Variants in GRB2 observed in about 807,000 individuals in gnomAD.
The protein encoded by GRB2 is growth factor receptor bound protein 2.
GRB2 carries 2 observed loss-of-function variants against 27.4 expected under a neutral mutation model. The ratio of observed to expected loss-of-function variants is 0.07; its 90% CI spans 0.03 to 0.23. The LOEUF is 0.23. Ranked by LOEUF, GRB2 falls within the 10% of genes least tolerant of loss-of-function variation. GRB2 has a pLI of 1.00. For missense variants in GRB2, 102 were observed against 282.4 expected, an observed-to-expected ratio of 0.36 and a Z score of 4.58; for synonymous variants, 94 against 99.6, an observed-to-expected ratio of 0.94 and a Z score of 0.33.
chr17:75,363,778 T>C (rs1364957662), intron 2 of GRB2, among the ~76,000 whole-genome samples: 4 of 141,434 alleles, frequency 2.8e-5, no homozygotes, highest in African/African-American at 1.1e-4. Context: ...GAGAATGGCG[T>C]GAACCCGGGA....
chr17:75,356,885 T>C (rs1443776664), intron 2 of GRB2, among the ~76,000 whole-genome samples: 1 of 152,230 alleles, frequency 6.6e-6, no homozygotes, highest in African/African-American at 2.4e-5. Context: ...GCTAGTTTCT[T>C]ATCTCACTAA....
chr17:75,323,950 C>T (rs1412649399), intron 4 of GRB2, among the ~76,000 whole-genome samples: 3 of 151,972 alleles, frequency 2.0e-5, no homozygotes, highest in Non-Finnish European at 4.4e-5. Flanking sequence ...GCTGGGAATA[C>T]AGGCATGTGC....
chr17:75,338,078 C>T (rs1393683718), intron 2 of GRB2, among the ~76,000 whole-genome samples: 7 of 151,598 alleles, frequency 4.6e-5, no homozygotes, highest in African/African-American at 7.3e-5. Context: ...TACAGGCACC[C>T]GCCACCACGC....
chr17:75,321,215 C>T (rs1285932497), intron 5 of GRB2, among the ~76,000 whole-genome samples: 2 of 133,042 alleles, frequency 1.5e-5, no homozygotes, highest in East Asian at 2.1e-4. Context: ...CTCCCTCTGT[C>T]GCCCAGGTTG....
At chr17:75,384,514 CA>C (rs779303329) in intron 2 of GRB2, among the ~76,000 whole-genome samples, 7 of 151,840 alleles carry the variant, frequency 4.6e-5, no homozygotes, top group Non-Finnish European at 8.8e-5. Flanking sequence ...ACTAAAAATA[CA>C]AAAAATAAGC....
intron 2 of GRB2, among the ~76,000 whole-genome samples, chr17:75,343,726 T>A (rs2078637106): frequency 6.6e-6 from 1 of 152,192 alleles, no homozygotes; most frequent in South Asian, 2.1e-4. Context: ...ACAAAAAGTT[T>A]CCATTCAAAA....
At chr17:75,395,125 T>C (rs1399421822) in intron 1 of GRB2, among the ~76,000 whole-genome samples, 1 of 152,124 alleles carries the variant, frequency 6.6e-6, no homozygotes, top group East Asian at 1.9e-4. Flanking sequence ...AAGTTGACAA[T>C]TGGGGCACTA....
rs1206113042 is a variant in GRB2, at chr17:75,393,830, C to T, written c.-137-65G>A. On this transcript the variant is annotated intron_variant, in intron 1 of 5. Transcript: ENST00000316804. ...TTGAAGGCAACCCCGCCCTGCCAATCGGCCTGCTGTCCCAGCCCCCACGCC... is the reference window on the plus strand; with the variant it reads ...TTGAAGGCAACCCCGCCCTGCCAATTGGCCTGCTGTCCCAGCCCCCACGCC... 13 of 552,024 alleles carry T rather than the reference C, an allele frequency of 2.4e-5. No homozygotes were observed. The East Asian group carries it at 3.4e-4, about 14-fold the overall frequency. 34.2% of individuals were successfully genotyped at this position (552,024 alleles called of 1,614,324 possible).
intron 4 of GRB2, among the ~76,000 whole-genome samples, chr17:75,323,534 GGT>G (rs1248956509): frequency 6.6e-6 from 1 of 152,052 alleles, no homozygotes; most frequent in African/African-American, 2.4e-5. Context: ...TTTTTGCAGA[GGT>G]GTGTGTGTTG....
intron 2 of GRB2, among the ~76,000 whole-genome samples, chr17:75,352,053 A>G (rs1278721730): frequency 2.6e-5 from 4 of 152,222 alleles, no homozygotes; most frequent in Non-Finnish European, 4.4e-5. Flanking sequence ...GGAGACAAAT[A>G]TAACTATTGT....
At chr17:75,376,026 GAAAAAAAAAAAAAAA>G (rs58559493) in intron 2 of GRB2, among the ~76,000 whole-genome samples, 1 of 65,410 alleles carries the variant, frequency 1.5e-5, no homozygotes, top group African/African-American at 7.1e-5. Context: ...CTCCGTCTCA[GAAAAAAAAAAAAAAA>G]AAAAAAATTA....
chr17:75,386,873 G>T (rs1280515193), intron 2 of GRB2, among the ~76,000 whole-genome samples: 2 of 152,158 alleles, frequency 1.3e-5, no homozygotes, highest in African/African-American at 4.8e-5. Context: ...CCCATAAAAT[G>T]GGGTTAAGAA....
intron 2 of GRB2, among the ~76,000 whole-genome samples, chr17:75,387,321 G>A (rs2078970471): frequency 6.6e-6 from 1 of 151,958 alleles, no homozygotes; most frequent in Admixed American, 6.6e-5. Context: ...GCAGGGTGTG[G>A]TAGCACGTGC....
At chr17:75,374,190 G>A (rs1343910402) in intron 2 of GRB2, among the ~76,000 whole-genome samples, 2 of 151,462 alleles carry the variant, frequency 1.3e-5, no homozygotes, top group Non-Finnish European at 2.9e-5. Flanking sequence ...CGGATCATCT[G>A]AGGTCAGGAG....
chr17:75,375,883 G>A (rs2145858741), intron 2 of GRB2, among the ~76,000 whole-genome samples: 1 of 151,978 alleles, frequency 6.6e-6, no homozygotes, highest in East Asian at 1.9e-4. Flanking sequence ...AATTTAGCCG[G>A]GCGTGGTGGT....
chr17:75,326,702 C>T (rs2145821463), intron 3 of GRB2, among the ~76,000 whole-genome samples: 1 of 152,318 alleles, frequency 6.6e-6, no homozygotes, highest in Admixed American at 6.5e-5. Context: ...AGGCAAGTTG[C>T]AGACTCTTCT....
At chr17:75,392,519 T>C (rs1326611019) in intron 2 of GRB2, among the ~76,000 whole-genome samples, 1 of 152,176 alleles carries the variant, frequency 6.6e-6, no homozygotes, top group East Asian at 1.9e-4. Context: ...CACGTCCTTT[T>C]ATAAAGAACC....
intron 2 of GRB2, among the ~76,000 whole-genome samples, chr17:75,337,297 G>A (rs536907506): frequency 2.1e-4 from 32 of 152,078 alleles, no homozygotes; most frequent in African/African-American, 7.2e-4. Context: ...CACAAGCCCT[G>A]AAACTGGAGT....
chr17:75,324,518 T>TTTTTG (rs2078484533), intron 4 of GRB2, among the ~76,000 whole-genome samples: 1 of 76,840 alleles, frequency 1.3e-5, no homozygotes, highest in African/African-American at 4.2e-5. Flanking sequence ...TTTTTTTTTT[T>TTTTTG]TTTTTTTTTT....
Sources: gnomAD v4.1 joint callset for allele counts (sites outside exome capture counted in the v4.1 genomes callset) on GRCh38, gnomAD v4.1.1 for gene constraint, MANE v1.5 for transcripts, NCBI Gene and HGNC (gene_info 2026-07-23, HGNC 2026-07-21) for gene names.